Variants in CTNNA2 observed in about 807,000 individuals in gnomAD.
CTNNA2 encodes the protein catenin alpha 2.
CTNNA2 carries 42 observed loss-of-function variants against 101.0 expected under a neutral mutation model. The observed-to-expected ratio is 0.42, with a 90% CI of 0.32 to 0.54. The LOEUF is 0.54. Ranked by LOEUF, CTNNA2 falls within the 20% of genes least tolerant of loss-of-function variation. The probability of loss-of-function intolerance (pLI) is 0.14; values close to 1 mark genes in which losing one functional copy is unlikely to be tolerated. For missense variants in CTNNA2, 871 were observed against 1,223.1 expected, an observed-to-expected ratio of 0.71 and a Z score of 4.29; for synonymous variants, 450 against 456.4, an observed-to-expected ratio of 0.99 and a Z score of 0.18.
intron 4 of CTNNA2, among the ~76,000 whole-genome samples, chr2:79,380,448 G>C (rs1678026848): frequency 6.6e-6 from 1 of 151,994 alleles, no homozygotes; most frequent in African/African-American, 2.4e-5. Flanking sequence ...GCCCTAAAGA[G>C]ATACAATCAT....
In CTNNA2 at chr2:79,212,748, T is replaced by C. The variant is rs994719317; in HGVS notation, c.-406+14672T>C. On this transcript the variant is annotated intron_variant, in intron 2 of 21. Coordinates refer to the CTNNA2 transcript ENST00000466387. ...AAGGCCTCTACCTATCCAGTGAAAG[T>C]GTCTACCTAGACTAAGAGGTATTTT... is the stretch of plus-strand genomic sequence containing the variant. Among the ~76,000 whole-genome samples, 5 of 152,308 alleles carry C rather than the reference T, an allele frequency of 3.3e-5. No homozygotes were observed. The South Asian group carries it at 8.3e-4, about 25-fold the overall frequency.
At chr2:80,429,005 T>C (rs1307379171) in intron 9 of CTNNA2, among the ~76,000 whole-genome samples, 3 of 152,190 alleles carry the variant, frequency 2.0e-5, no homozygotes, top group African/African-American at 7.2e-5. Flanking sequence ...AATTGAGCCA[T>C]AGCAATTCTG....
Position 79,966,844 on chromosome 2 carries a change from C to T in CTNNA2, c.1056+57047C>T, listed in dbSNP as rs564902468. On this transcript the variant is annotated intron_variant, in intron 7 of 18. Coordinates refer to ENST00000402739, the MANE Select transcript of CTNNA2 (RefSeq NM_001282597.3). ...CTATTATTTCCTTCCTTCCTACCTTCCTTCCCTTCCTCCTGAGACACACAC... is the reference window on the plus strand; with the variant it reads ...CTATTATTTCCTTCCTTCCTACCTTTCTTCCCTTCCTCCTGAGACACACAC... Among the ~76,000 whole-genome samples, 14 of 152,190 alleles carry T rather than the reference C, an allele frequency of 9.2e-5. 1 individual carries two copies. The highest frequency in any genetic ancestry group is 3.4e-4 in the African/African-American group (14 of 41,526).
In CTNNA2 at chr2:80,115,024, G is replaced by C. The variant is rs552025646; in HGVS notation, c.1056+205227G>C. Among the ~76,000 whole-genome samples, 22 of 152,296 alleles carry C rather than the reference G, an allele frequency of 1.4e-4. No individual in the cohort carries two copies. In the South Asian group the frequency reaches 2.9e-3, roughly 20 times the overall value. On this transcript the variant is annotated intron_variant, in intron 7 of 18. Transcript: ENST00000402739. Reference sequence around the variant, plus strand: ...GAAATGGTCTGCTTCTTCCAGAGCAGCCTGCAAAAGTGAAGGCAATAAGCA... The same window carrying C: ...GAAATGGTCTGCTTCTTCCAGAGCACCCTGCAAAAGTGAAGGCAATAAGCA...
chr2:79,722,290 A>G (rs1407982685), intron 2 of CTNNA2, among the ~76,000 whole-genome samples: 1 of 152,192 alleles, frequency 6.6e-6, no homozygotes, highest in African/African-American at 2.4e-5. Context: ...AAAATGGGCC[A>G]GCCAAAAGTG....
intron 7 of CTNNA2, among the ~76,000 whole-genome samples, chr2:79,923,092 C>T (rs907364317): frequency 6.6e-6 from 1 of 152,072 alleles, no homozygotes; most frequent in African/African-American, 2.4e-5. Flanking sequence ...AGGCAGACAG[C>T]AGCAGCCTTG....
intron 3 of CTNNA2, among the ~76,000 whole-genome samples, chr2:79,795,367 A>C (rs1675616977): frequency 6.6e-6 from 1 of 152,120 alleles, no homozygotes; most frequent in Admixed American, 6.5e-5. Flanking sequence ...ACAAACTTTA[A>C]ATATATTTTC....
intron 7 of CTNNA2, among the ~76,000 whole-genome samples, chr2:80,204,018 G>A (rs998995827): frequency 6.6e-6 from 1 of 152,148 alleles, no homozygotes; most frequent in East Asian, 1.9e-4. Flanking sequence ...CTATACCATG[G>A]CCCCTTTTAG....
intron 9 of CTNNA2, among the ~76,000 whole-genome samples, chr2:80,476,392 T>C (rs1685732695): frequency 6.6e-6 from 1 of 152,136 alleles, no homozygotes; most frequent in South Asian, 2.1e-4. Context: ...GGGGAAAAGG[T>C]GGAAAAATAA....
At chr2:79,922,914 G>A (rs921998517) in intron 7 of CTNNA2, among the ~76,000 whole-genome samples, 9 of 151,948 alleles carry the variant, frequency 5.9e-5, no homozygotes, top group Middle Eastern at 3.4e-3. Context: ...TTGGATTTTC[G>A]GTATTCTATT....
chr2:80,212,071 T>C (rs1469672763), intron 7 of CTNNA2, among the ~76,000 whole-genome samples: 1 of 152,228 alleles, frequency 6.6e-6, no homozygotes, highest in East Asian at 1.9e-4. Context: ...TTATTTTGTT[T>C]CCTGAGACTT....
At chr2:79,546,030 G>C (rs904348494) in intron 1 of CTNNA2, among the ~76,000 whole-genome samples, 45 of 152,262 alleles carry the variant, frequency 3.0e-4, no homozygotes, top group Non-Finnish European at 3.8e-4. Flanking sequence ...AGATTGCCCA[G>C]CTAGTTGGGG....
At chr2:80,440,271 C>G (rs909544255) in intron 9 of CTNNA2, among the ~76,000 whole-genome samples, 1 of 152,054 alleles carries the variant, frequency 6.6e-6, no homozygotes, top group Non-Finnish European at 1.5e-5. Flanking sequence ...ATCTTAACAA[C>G]CATGGGGTGA....
At chr2:80,611,503 A>T (rs1698466033) in intron 17 of CTNNA2, among the ~76,000 whole-genome samples, 1 of 151,656 alleles carries the variant, frequency 6.6e-6, no homozygotes, top group Admixed American at 6.6e-5. Context: ...TTTGAATACA[A>T]ATATGTTCCA....
At chr2:80,247,770 A>C (rs1188727455) in intron 7 of CTNNA2, among the ~76,000 whole-genome samples, 1 of 152,272 alleles carries the variant, frequency 6.6e-6, no homozygotes, top group Admixed American at 6.5e-5. Context: ...CTCACCCATA[A>C]GCATCTGTAA....
chr2:80,575,839 T>C (rs1458195829), intron 13 of CTNNA2, among the ~76,000 whole-genome samples: 1 of 152,164 alleles, frequency 6.6e-6, no homozygotes, highest in Non-Finnish European at 1.5e-5. Flanking sequence ...ACATAAAGTG[T>C]CATTTCTCTA....
intron 3 of CTNNA2, among the ~76,000 whole-genome samples, chr2:79,822,185 G>T (rs927978901): frequency 1.4e-5 from 2 of 147,720 alleles, no homozygotes; most frequent in Non-Finnish European, 3.0e-5. Flanking sequence ...GATTCCAACG[G>T]TTTTTTTTTT....
chr2:79,982,239 TATGTATGTATATGTACAC>T (rs1558697536), intron 7 of CTNNA2, among the ~76,000 whole-genome samples: 1 of 76,310 alleles, frequency 1.3e-5, no homozygotes, highest in Admixed American at 1.3e-4. Context: ...TATATATATA[TATGTATGTATATGTACAC>T]ACACACATAA....
intron 18 of CTNNA2, among the ~76,000 whole-genome samples, chr2:80,626,715 CT>C (rs972014613): frequency 6.6e-6 from 1 of 151,814 alleles, no homozygotes; most frequent in Admixed American, 6.6e-5. Context: ...AAAATCTATT[CT>C]TTTTTTTAAT....
Sources: allele counts gnomAD v4.1 joint callset (sites outside exome capture counted in the v4.1 genomes callset), GRCh38; gene constraint gnomAD v4.1.1; transcripts MANE v1.5; gene names NCBI Gene and HGNC (gene_info 2026-07-23, HGNC 2026-07-21).